Variants in SGCZ observed in about 807,000 individuals in gnomAD.
The protein encoded by SGCZ is zeta-sarcoglycan.
SGCZ carries 40 observed loss-of-function variants against 41.3 expected under a neutral mutation model. The ratio of observed to expected loss-of-function variants is 0.97; its 90% CI spans 0.75 to 1.26. The LOEUF is 1.26. Among genes scored for constraint, SGCZ ranks in the 50% most tolerant of loss-of-function variants. SGCZ has a pLI of 0.00. For synonymous variants in SGCZ, 206 were observed against 137.5 expected, an observed-to-expected ratio of 1.50 and a Z score of -3.49; for missense variants, 552 against 369.8, an observed-to-expected ratio of 1.49 and a Z score of -4.04.
At chr8:15,231,293 T>C (rs1327656526) in intron 1 of SGCZ, among the ~76,000 whole-genome samples, 2 of 152,230 alleles carry the variant, frequency 1.3e-5, no homozygotes, top group African/African-American at 4.8e-5. Flanking sequence ...AGATAACCTA[T>C]TTAATACCAG....
intron 1 of SGCZ, among the ~76,000 whole-genome samples, chr8:14,566,952 C>T (rs115372320): frequency 0.021 from 3,185 of 152,308 alleles, 107 homozygotes; most frequent in African/African-American, 0.072. Flanking sequence ...CTGGCCCCAC[C>T]GGCCCCGGGC....
chr8:14,374,629 T>G (rs1283313982), intron 2 of SGCZ, among the ~76,000 whole-genome samples: 2 of 152,008 alleles, frequency 1.3e-5, no homozygotes, highest in African/African-American at 2.4e-5. Context: ...CTGATGGCCA[T>G]AAATACATAG....
intron 1 of SGCZ, among the ~76,000 whole-genome samples, chr8:14,587,757 C>T (rs1408563259): frequency 6.6e-6 from 1 of 152,076 alleles, no homozygotes; most frequent in African/African-American, 2.4e-5. Flanking sequence ...AAGTGTAATT[C>T]ATAAATCAGG....
At chr8:14,498,767 CTAAAAAT>C (rs1360666718) in intron 2 of SGCZ, among the ~76,000 whole-genome samples, 1 of 151,928 alleles carries the variant, frequency 6.6e-6, no homozygotes, top group East Asian at 1.9e-4. Context: ...ATCCCTGTGG[CTAAAAAT>C]TAAAAACATA....
At chr8:14,246,741 A>G (rs1030392681) in intron 3 of SGCZ, among the ~76,000 whole-genome samples, 4 of 151,754 alleles carry the variant, frequency 2.6e-5, no homozygotes, top group African/African-American at 9.7e-5. Context: ...CTCCGTCTCT[A>G]CTAAAAATAC....
chr8:14,267,046 T>A (rs1799895376), intron 3 of SGCZ, among the ~76,000 whole-genome samples: 1 of 152,114 alleles, frequency 6.6e-6, no homozygotes, highest in South Asian at 2.1e-4. Context: ...TTTACAGGGT[T>A]TCACTTTGTC....
At chr8:14,673,948 A>G (rs1808190300) in intron 1 of SGCZ, among the ~76,000 whole-genome samples, 1 of 152,190 alleles carries the variant, frequency 6.6e-6, no homozygotes, top group African/African-American at 2.4e-5. Flanking sequence ...AAAACAAGAA[A>G]GGTAATTGGC....
At chr8:14,794,020 T>C (rs1210289639) in intron 1 of SGCZ, among the ~76,000 whole-genome samples, 1 of 152,168 alleles carries the variant, frequency 6.6e-6, no homozygotes, top group Non-Finnish European at 1.5e-5. Flanking sequence ...CTTTGGAGAA[T>C]ATGATGTCCT....
rs1003031706 is a variant in SGCZ at position 14,784,653 on chromosome 8, G to C, written c.40-229727C>G. 2.0e-5 allele frequency among the ~76,000 whole-genome samples: 3 copies of C among 151,512 alleles called. No individual in the cohort carries two copies. In the South Asian group the frequency reaches 6.2e-4, roughly 31 times the overall value. ...ATCATGCTTGTAATCTAAGCACTTT[G>C]GGAGGCCAAGGCAGGCAGATCATCT... On this transcript the variant is annotated intron_variant, in intron 1 of 7. Transcript: ENST00000382080.
chr8:14,829,740 ATTAT>A (rs767106153), intron 1 of SGCZ, among the ~76,000 whole-genome samples: 5 of 149,370 alleles, frequency 3.3e-5, no homozygotes, highest in Middle Eastern at 3.5e-3. Flanking sequence ...AATTTAACTG[ATTAT>A]TTAAGGGTTT....
At chr8:14,098,747 G>A (rs1430388033) in intron 7 of SGCZ, among the ~76,000 whole-genome samples, 2 of 152,148 alleles carry the variant, frequency 1.3e-5, no homozygotes, top group Non-Finnish European at 1.5e-5. Context: ...TGGAGATGTG[G>A]AGAAGAGGGC....
At chr8:14,560,243 T>C (rs1484674414) in intron 1 of SGCZ, among the ~76,000 whole-genome samples, 2 of 152,054 alleles carry the variant, frequency 1.3e-5, no homozygotes, top group African/African-American at 4.8e-5. Flanking sequence ...AGATAAATGT[T>C]TGAGGTTATG....
chr8:15,025,063 T>C (rs913247037), intron 1 of SGCZ, among the ~76,000 whole-genome samples: 1 of 152,056 alleles, frequency 6.6e-6, no homozygotes, highest in Non-Finnish European at 1.5e-5. Context: ...AAATACTCTC[T>C]AGGTTTAATA....
intron 1 of SGCZ, among the ~76,000 whole-genome samples, chr8:14,585,543 G>A (rs1324550425): frequency 6.6e-6 from 1 of 151,922 alleles, no homozygotes; most frequent in Non-Finnish European, 1.5e-5. Flanking sequence ...GACTTGAAAT[G>A]GAACCAAGGC....
intron 2 of SGCZ, among the ~76,000 whole-genome samples, chr8:14,394,152 T>TC (rs1169962725): frequency 1.5e-5 from 1 of 68,020 alleles, no homozygotes; most frequent in African/African-American, 7.2e-5. Context: ...CCTTTTTTTT[T>TC]TTTTTTTTTT....
At chr8:14,910,208 T>C (rs947012941) in intron 1 of SGCZ, among the ~76,000 whole-genome samples, 2 of 152,120 alleles carry the variant, frequency 1.3e-5, no homozygotes, top group African/African-American at 2.4e-5. Flanking sequence ...ACTCATTTAA[T>C]CATTTGTTAA....
intron 1 of SGCZ, among the ~76,000 whole-genome samples, chr8:15,234,265 A>T (rs927934104): frequency 9.2e-5 from 14 of 152,218 alleles, no homozygotes; most frequent in African/African-American, 3.4e-4. Context: ...CCAGTACTCT[A>T]TAACTCAGAG....
At chr8:15,059,475 C>T (rs897007456) in intron 1 of SGCZ, among the ~76,000 whole-genome samples, 1 of 152,056 alleles carries the variant, frequency 6.6e-6, no homozygotes, top group Non-Finnish European at 1.5e-5. Flanking sequence ...TCTTTTAGAT[C>T]CTCCATAAAA....
intron 1 of SGCZ, among the ~76,000 whole-genome samples, chr8:14,776,521 T>TC (rs1233233949): frequency 8.3e-5 from 12 of 144,878 alleles, no homozygotes; most frequent in Admixed American, 7.6e-4. Context: ...TCTTTTTCTT[T>TC]TTTTTTTTTT....
Sources: gnomAD v4.1 joint callset for allele counts (sites outside exome capture counted in the v4.1 genomes callset) on GRCh38, gnomAD v4.1.1 for gene constraint, MANE v1.5 for transcripts, NCBI Gene and HGNC (gene_info 2026-07-23, HGNC 2026-07-21) for gene names.